The following CIT variants were observed in gnomAD, a reference collection of about 807,000 sequenced individuals.
CIT encodes the protein citron rho-interacting serine/threonine kinase, also known as citron Rho-interacting kinase.
CIT carries 79 observed loss-of-function variants against 272.7 expected under a neutral mutation model. The observed-to-expected ratio is 0.29, with a 90% confidence interval of 0.24 to 0.35. The LOEUF is 0.35. Ranked by LOEUF, CIT falls within the 10% of genes least tolerant of loss-of-function variation. CIT has a pLI of 1.00. For synonymous variants in CIT, 948 were observed against 995.6 expected (o/e 0.95, Z 0.90); for missense variants, 1,909 against 2,618.3 (o/e 0.73, Z 5.91).
chr12:119,758,837 T>C, intron 20 of CIT, 137 bp from the exon 21 acceptor site: 6 of 662,278 alleles, frequency 9.1e-6, no homozygotes, highest in Non-Finnish European at 8.3e-6. Flanking sequence ...GTCTGTACTC[T>C]GAGGATCACA....
At chr12:119,777,904 T>G (rs561446704) in intron 13 of CIT, among the ~76,000 whole-genome samples, 1 of 152,312 alleles carries the variant, frequency 6.6e-6, no homozygotes, top group Non-Finnish European at 1.5e-5. Flanking sequence ...CATGTGCTCC[T>G]AACACAAATT....
At chr12:119,854,411 G>A (rs1350502516) in intron 4 of CIT, among the ~76,000 whole-genome samples, 1 of 151,574 alleles carries the variant, frequency 6.6e-6, no homozygotes, top group East Asian at 2.0e-4. Context: ...GCTAAAGTGG[G>A]CAGATCACTT....
chr12:119,825,425 T>C, intron 7 of CIT, 57 bp from the exon 8 acceptor site: 4 of 1,491,520 alleles, frequency 2.7e-6, no homozygotes, highest in Non-Finnish European at 3.7e-6. Flanking sequence ...TCAAGTAGAC[T>C]GCCAACAGCC....
At position 119,713,408 on chromosome 12, in the gene CIT, T is replaced by A. The variant is rs886949145; in HGVS notation, c.4487+60A>T. 1 of 1,594,858 alleles carries A rather than the reference T, an allele frequency of 6.3e-7. No individual in the cohort carries two copies. Among genetic ancestry groups the A allele is most frequent in the African/African-American group, 1.3e-5 (1 of 74,474 alleles). The stretch of plus-strand genomic sequence containing the variant: ...AGAAAAGACACTTCCCTAGAAAACA[T>A]CAGGGACAGAGTGGCTTGTGCCAGC... On this transcript the variant is annotated intron_variant, in intron 34 of 47. Coordinates refer to ENST00000392521, the MANE Select transcript of CIT (RefSeq NM_001206999.2). This position sits in a 1 kb window ranked among gnomAD's most constrained non-coding sequence, Gnocchi z 5.2.
intron 18 of CIT, among the ~76,000 whole-genome samples, chr12:119,769,653 T>C (rs547177744): frequency 5.9e-5 from 9 of 152,326 alleles, no homozygotes; most frequent in South Asian, 4.1e-4. Flanking sequence ...GAAACTTTGA[T>C]GACGGAACAA....
chr12:119,835,834 C>CCAAACCAGAGTCA (rs1968957189), intron 5 of CIT, among the ~76,000 whole-genome samples: 1 of 152,104 alleles, frequency 6.6e-6, no homozygotes, highest in Admixed American at 6.6e-5. Flanking sequence ...ACCAGAGACC[C>CCAAACCAGAGTCA]CTGGAGAAGC....
At chr12:119,865,622 C>T (rs1950491322) in intron 3 of CIT, among the ~76,000 whole-genome samples, 6 of 152,138 alleles carry the variant, frequency 3.9e-5, no homozygotes, top group Admixed American at 3.9e-4. Context: ...GTAATTCCAG[C>T]ACTTTCGGAG....
At chr12:119,774,195 C>T (rs1482802472) in intron 16 of CIT, among the ~76,000 whole-genome samples, 1 of 152,086 alleles carries the variant, frequency 6.6e-6, no homozygotes, top group Non-Finnish European at 1.5e-5. Flanking sequence ...CAAAAACGTT[C>T]CAGAGATTCA....
Position 119,718,746 on chromosome 12 carries a change from T to A in CIT, c.3956A>T (p.Glu1319Val), listed in dbSNP as rs1324017128. The A allele has an allele frequency of 3.7e-6, 6 of 1,614,062 alleles. No individual in the cohort carries two copies. Among genetic ancestry groups the A allele is most frequent in the Non-Finnish European group, 5.1e-6 (6 of 1,180,028 alleles). ...CTCGATGCGGGTCTTCTGAAGGGCTTCCTCTAGCTCTGCACAGCGAGCTTT... is the reference window on the plus strand; with the variant it reads ...CTCGATGCGGGTCTTCTGAAGGGCTACCTCTAGCTCTGCACAGCGAGCTTT... ...KEKARCAELE[E>V]ALQKTRIELR... Residue 1319 changes from glutamate (E) to valine (V), a missense_variant, in exon 31 of 48, where the codon GAA becomes GTA. Glu to Val is a moderately radical substitution (Grantham distance 121). Coordinates refer to ENST00000392521, the MANE Select transcript of CIT (RefSeq NM_001206999.2). This position sits in a 1 kb window ranked among gnomAD's most constrained non-coding sequence, Gnocchi z 4.8.
intron 19 of CIT, among the ~76,000 whole-genome samples, chr12:119,761,909 C>T (rs997725870): frequency 1.3e-5 from 2 of 152,096 alleles, no homozygotes; most frequent in African/African-American, 4.8e-5. Context: ...GCCAAAACAA[C>T]AAGCAAAAAG....
chr12:119,786,665 T>C (rs539277601), intron 10 of CIT, among the ~76,000 whole-genome samples: 1 of 152,330 alleles, frequency 6.6e-6, no homozygotes, highest in African/African-American at 2.4e-5. Context: ...ACTACTTCCC[T>C]GACTAAAAGA....
intron 26 of CIT, among the ~76,000 whole-genome samples, chr12:119,731,499 A>G (rs1958439994): frequency 6.6e-6 from 1 of 151,426 alleles, no homozygotes; most frequent in South Asian, 2.1e-4. Flanking sequence ...AAAAGAAAAA[A>G]CAAAAGTGAA....
rs1168161547 is a variant in CIT at position 119,712,793 on chromosome 12, CAG to C, written c.4580-100_4580-99del. 9 of 972,016 alleles carry C rather than the reference CAG, an allele frequency of 9.3e-6. No individual in the cohort carries two copies. The highest frequency in any genetic ancestry group is 4.8e-5 in the African/African-American group (3 of 62,416). The allele number at this position is 972,016 out of a possible 1,614,324, so 60.2% of individuals were successfully genotyped here. A position where few individuals can be genotyped will look rare whatever the true frequency, so the allele number is the denominator to read the frequency against. The stretch of plus-strand genomic sequence containing the variant: ...AGAGAGACAGCAAGGGAGAGAGAGA[CAG>C]GGTACGTGTGTAAAGAGAGGCGCAC... On this transcript the variant is annotated intron_variant, in intron 35 of 47. Transcript: ENST00000392521. The surrounding 1 kb of genome is among the most constrained non-coding windows in gnomAD (Gnocchi z 5.2).
In CIT at chr12:119,784,732, A is replaced by T. The variant is rs1964611296; in HGVS notation, c.1401+228T>A. On this transcript the variant is annotated intron_variant, in intron 11 of 47. Coordinates refer to ENST00000392521, the MANE Select transcript of CIT (RefSeq NM_001206999.2). This position sits in a 1 kb window ranked among gnomAD's most constrained non-coding sequence, Gnocchi z 4.7. The stretch of plus-strand genomic sequence containing the variant: ...GGTCATGCTGAGAAACGGACTGTTT[A>T]AATCCAGGGCCTCCTCTGGTTTAGA... 7.2e-7 allele frequency: 1 copy of T among 1,387,474 alleles called. No individual in the cohort carries two copies. Among genetic ancestry groups the T allele is most frequent in the Non-Finnish European group, 9.3e-7 (1 of 1,073,944 alleles). The allele number at this position is 1,387,474 out of a possible 1,614,324, so 85.9% of individuals were successfully genotyped here. A position where few individuals can be genotyped will look rare whatever the true frequency, so the allele number is the denominator to read the frequency against.
chr12:119,713,116 A>G lies in CIT; in HGVS notation c.4579+87T>C, dbSNP rs1957257740. The stretch of plus-strand genomic sequence containing the variant: ...GAAAAGCGTAGAAGGCTTGCAAGGC[A>G]GTCCAAAAAACAAAGCCTTCGCGCC... On this transcript the variant is annotated intron_variant, in intron 35 of 47. Transcript: ENST00000392521. The surrounding 1 kb of genome is among the most constrained non-coding windows in gnomAD (Gnocchi z 5.2). 2.1e-6 allele frequency: 2 copies of G among 933,622 alleles called. No individual in the cohort carries two copies. The highest frequency in any genetic ancestry group is 3.4e-6 in the Non-Finnish European group (2 of 593,480). 57.8% of individuals were successfully genotyped at this position (933,622 alleles called of 1,614,324 possible).
intron 10 of CIT, among the ~76,000 whole-genome samples, chr12:119,785,918 A>T (rs1485150051): frequency 6.6e-6 from 1 of 152,146 alleles, no homozygotes; most frequent in African/African-American, 2.4e-5. Context: ...GTAAAATAAT[A>T]AATGTGTGTT....
chr12:119,727,076 A>G (rs1223711022), intron 28 of CIT, among the ~76,000 whole-genome samples: 1 of 152,250 alleles, frequency 6.6e-6, no homozygotes, highest in East Asian at 1.9e-4. Context: ...TACTTTGGAT[A>G]TTAGCTCTAA....
chr12:119,701,505 C>T (rs887626014), intron 43 of CIT, 119 bp downstream of exon 43: 4 of 1,166,616 alleles, frequency 3.4e-6, no homozygotes, highest in Non-Finnish European at 4.8e-6. Context: ...GAAGGACATT[C>T]TCTGTACCCC....
At chr12:119,781,982 CT>C (rs1964334908) in intron 13 of CIT, among the ~76,000 whole-genome samples, 1 of 152,116 alleles carries the variant, frequency 6.6e-6, no homozygotes, top group African/African-American at 2.4e-5. Context: ...CACATGGTCT[CT>C]GTAACAACCA....
Sources: gnomAD v4.1 joint callset for allele counts (sites outside exome capture counted in the v4.1 genomes callset) on GRCh38, gnomAD v4.1.1 for gene constraint, Gnocchi (gnomAD v3.1) non-coding constraint, MANE v1.5 for transcripts, NCBI Gene and HGNC (gene_info 2026-07-23, HGNC 2026-07-21) for gene names.